The following MCC variants were observed in gnomAD, a reference collection of about 807,000 sequenced individuals.
MCC encodes colorectal mutant cancer protein.
In MCC, 90 loss-of-function variants were observed where a neutral mutation model predicts 116.2. That is an observed-to-expected ratio of 0.77 (90% confidence interval 0.65 to 0.92). The LOEUF (loss-of-function observed/expected upper bound fraction) is 0.92. MCC is among the 40% of genes least tolerant of loss of function. The pLI is 0.00. For missense variants in MCC, 1,516 were observed against 1,312.2 expected (o/e 1.16, Z -2.40); for synonymous variants, 578 against 510.5 (o/e 1.13, Z -1.78).
chr5:113,410,791 G>A lies in MCC; in HGVS notation c.171-25579C>T, dbSNP rs557546174. Among the ~76,000 whole-genome samples the A allele has an allele frequency of 4.6e-5, 7 of 152,274 alleles. No homozygotes were observed. The East Asian group carries it at 1.2e-3, about 25-fold the overall frequency. On this transcript the variant is annotated intron_variant, in intron 1 of 18. Coordinates refer to ENST00000408903, the MANE Select transcript of MCC (RefSeq NM_001085377.2). ...CCTACAACAGGCCCTGGTGTGCGAT[G>A]TTCCCTGCCCTGTGTCCATGTGTTC...
At chr5:113,464,986 G>A (rs890244083) in intron 1 of MCC, among the ~76,000 whole-genome samples, 2 of 151,954 alleles carry the variant, frequency 1.3e-5, no homozygotes, top group Non-Finnish European at 2.9e-5. Flanking sequence ...GGCTTGCAGA[G>A]ATATCAATTC....
intron 1 of MCC, among the ~76,000 whole-genome samples, chr5:113,406,906 G>A (rs937152580): frequency 6.6e-6 from 1 of 152,024 alleles, no homozygotes. Context: ...CTGCCTTAAA[G>A]GTTCTACACC....
In MCC at chr5:113,025,093, T is replaced by G. The variant is rs1234739831; in HGVS notation, c.*2209A>C. The G allele has an allele frequency of 6.6e-6, 1 of 152,028 alleles. No homozygotes were observed. Among genetic ancestry groups the G allele is most frequent in the Non-Finnish European group, 1.5e-5 (1 of 68,030 alleles). The allele number at this position is 152,028 out of a possible 1,614,324, so 9.4% of individuals were successfully genotyped here. The stretch of plus-strand genomic sequence containing the variant: ...GAGACAGAAGTCAGTAGGCAGGATT[T>G]TATTCCTGCTTCAGCCACATGTTTC... On this transcript the variant is annotated 3_prime_UTR_variant, in exon 19 of 19. Coordinates refer to ENST00000408903, the MANE Select transcript of MCC (RefSeq NM_001085377.2).
intron 7 of MCC, among the ~76,000 whole-genome samples, chr5:113,102,343 T>C (rs1756474211): frequency 6.6e-6 from 1 of 152,236 alleles, no homozygotes; most frequent in African/African-American, 2.4e-5. Flanking sequence ...AAACATGAGG[T>C]TGTAAACTGC....
chr5:113,364,593 G>A (rs1323202553), intron 2 of MCC, among the ~76,000 whole-genome samples: 1 of 152,232 alleles, frequency 6.6e-6, no homozygotes, highest in African/African-American at 2.4e-5. Flanking sequence ...CCCCAGTGGG[G>A]ACTTGTGTGG....
intron 4 of MCC, among the ~76,000 whole-genome samples, chr5:113,145,223 T>A (rs945955119): frequency 2.0e-5 from 3 of 152,226 alleles, no homozygotes; most frequent in African/African-American, 7.2e-5. Context: ...TGTGTTCATG[T>A]TGTATGAACA....
At chr5:113,054,056 C>A in intron 14 of MCC, 97 bp from the exon 15 acceptor site, 2 of 828,268 alleles carry the variant, frequency 2.4e-6, no homozygotes, top group South Asian at 1.6e-5. Context: ...TTCCCTCTCC[C>A]CAGTGTTATT....
intron 1 of MCC, among the ~76,000 whole-genome samples, chr5:113,479,961 A>C (rs944173032): frequency 1.3e-5 from 2 of 152,180 alleles, no homozygotes; most frequent in Non-Finnish European, 2.9e-5. Context: ...TTTTATGCTT[A>C]TGTCATGAGA....
At chr5:113,481,050 T>G (rs2150435820) in intron 1 of MCC, among the ~76,000 whole-genome samples, 1 of 152,356 alleles carries the variant, frequency 6.6e-6, no homozygotes, top group African/African-American at 2.4e-5. Context: ...GTGCAGGGAT[T>G]ACAGGCGTGA....
chr5:113,124,199 G>C (rs1203673239), intron 5 of MCC, among the ~76,000 whole-genome samples: 1 of 152,134 alleles, frequency 6.6e-6, no homozygotes, highest in African/African-American at 2.4e-5. Flanking sequence ...AAAAATACAG[G>C]CTAATGTTCT....
chr5:113,468,355 C>A (rs1286758940), intron 1 of MCC, among the ~76,000 whole-genome samples: 1 of 152,166 alleles, frequency 6.6e-6, no homozygotes, highest in Non-Finnish European at 1.5e-5. Flanking sequence ...AGATACATAC[C>A]ATCAATACCT....
chr5:113,277,245 G>C (rs774222408), intron 3 of MCC, among the ~76,000 whole-genome samples: 17 of 151,528 alleles, frequency 1.1e-4, no homozygotes, highest in Non-Finnish European at 1.9e-4. Flanking sequence ...GCGGGCACCT[G>C]TAATCCCAGC....
intron 2 of MCC, among the ~76,000 whole-genome samples, chr5:113,361,543 T>C (rs1053516686): frequency 6.6e-6 from 1 of 152,234 alleles, no homozygotes; most frequent in African/African-American, 2.4e-5. Context: ...CTTTGAGCCA[T>C]GGGCTCTTTA....
chr5:113,346,612 AAACAACAACAAC>A (rs142810210), intron 2 of MCC, among the ~76,000 whole-genome samples: 1 of 127,428 alleles, frequency 7.8e-6, no homozygotes, highest in African/African-American at 2.7e-5. Flanking sequence ...AAAAACAAAC[AAACAACAACAAC>A]AACAACAACA....
At chr5:113,270,707 A>G (rs757879398) in intron 3 of MCC, among the ~76,000 whole-genome samples, 2 of 149,414 alleles carry the variant, frequency 1.3e-5, no homozygotes, top group Non-Finnish European at 3.0e-5. Flanking sequence ...TTCCACTTAG[A>G]AAGTTGAGAA....
intron 3 of MCC, among the ~76,000 whole-genome samples, chr5:113,187,306 G>A (rs1161831829): frequency 6.6e-6 from 1 of 152,084 alleles, no homozygotes; most frequent in Non-Finnish European, 1.5e-5. Flanking sequence ...ATCGGGTTTT[G>A]CCATGTTGGC....
chr5:113,255,430 AAACT>A (rs1311526215), intron 3 of MCC, among the ~76,000 whole-genome samples: 1 of 152,224 alleles, frequency 6.6e-6, no homozygotes, highest in Non-Finnish European at 1.5e-5. Flanking sequence ...TGGGATCAGA[AAACT>A]AACCCCCATA....
At chr5:113,200,440 C>T (rs754941558) in intron 3 of MCC, among the ~76,000 whole-genome samples, 3 of 152,148 alleles carry the variant, frequency 2.0e-5, no homozygotes, top group African/African-American at 4.8e-5. Flanking sequence ...CACTGCCTGC[C>T]TGCTGATCCC....
chr5:113,249,139 G>GCTCTCT (rs57174154), intron 3 of MCC, among the ~76,000 whole-genome samples: 27,490 of 149,232 alleles, frequency 0.18, 2,488 homozygotes, highest in Non-Finnish European at 0.2. Context: ...ACCGCACCCA[G>GCTCTCT]CTCTCTCTCT....
Sources: allele counts gnomAD v4.1 joint callset (sites outside exome capture counted in the v4.1 genomes callset), GRCh38; gene constraint gnomAD v4.1.1; transcripts MANE v1.5; gene names NCBI Gene and HGNC (gene_info 2026-07-23, HGNC 2026-07-21).